The following AVL9 variants were observed in gnomAD, a reference collection of about 807,000 sequenced individuals.
AVL9 encodes late secretory pathway protein AVL9 homolog.
In AVL9, 49 loss-of-function variants were observed where a neutral mutation model predicts 79.2. The observed-to-expected ratio is 0.62, with a 90% CI of 0.49 to 0.79. The LOEUF is 0.79. Ranked by LOEUF, AVL9 falls within the 30% of genes least tolerant of loss-of-function variation. The pLI, the probability that AVL9 is intolerant of heterozygous loss-of-function variation, is 0.00. For missense variants in AVL9, 682 were observed against 776.8 expected, an observed-to-expected ratio of 0.88 and a Z score of 1.45; for synonymous variants, 299 against 280.6, an observed-to-expected ratio of 1.07 and a Z score of -0.65.
At chr7:32,579,576 A>ATATATTATATATTATATAT (rs1562802494) in intron 13 of AVL9, among the ~76,000 whole-genome samples, 31 of 1,140 alleles carry the variant, frequency 0.027, 10 homozygotes, top group African/African-American at 0.058. Flanking sequence ...ATATTATATT[A>ATATATTATATATTATATAT]TATATTATAT....
rs866423254 is a variant in AVL9 at position 32,579,506 on chromosome 7, T to A, written c.1689-713T>A. The stretch of plus-strand genomic sequence containing the variant: ...ATATAATATATTACATATTATATAT[T>A]ATATATTATATTATATATTATATAT... On this transcript the variant is annotated intron_variant, in intron 13 of 15. Transcript: ENST00000318709. Among the ~76,000 whole-genome samples the A allele has an allele frequency of 3.8e-3, 17 of 4,476 alleles. 2 individuals are homozygous for A. Among genetic ancestry groups the A allele is most frequent in the East Asian group, 0.014 (2 of 142 alleles). 2.9% of individuals were successfully genotyped at this position (4,476 alleles called of 152,430 possible).
In AVL9 at chr7:32,559,440, C is replaced by G; in HGVS notation, c.1191C>G (p.Gly397=). The G allele has an allele frequency of 6.3e-7, 1 of 1,575,648 alleles. No homozygotes were observed. The highest frequency in any genetic ancestry group is 2.2e-5 in the East Asian group (1 of 44,556). ...LISGLEEDQY[G]MPLAIFTKGY... ...CGGGTTTGGAAGAGGATCAGTATGG[C>G]ATGCCCCTGGCCATCTTCACAAAGG... The change falls in exon 10 of 16, where the codon GGC becomes GGG. Residue 397 remains glycine (G), a synonymous_variant. Transcript: ENST00000318709.
At chr7:32,574,820 CT>C (rs1423738417) in intron 12 of AVL9, among the ~76,000 whole-genome samples, 3 of 152,188 alleles carry the variant, frequency 2.0e-5, no homozygotes, top group African/African-American at 7.2e-5. Flanking sequence ...GCCCAATGAA[CT>C]GCTTGAGGAA....
intron 10 of AVL9, among the ~76,000 whole-genome samples, chr7:32,563,610 T>C (rs1790422789): frequency 6.6e-6 from 1 of 151,296 alleles, no homozygotes; most frequent in Non-Finnish European, 1.5e-5. Context: ...ACCTTTTCAG[T>C]TACTAGAACA....
chr7:32,504,158 A>G (rs1787308148), intron 1 of AVL9, among the ~76,000 whole-genome samples: 1 of 152,240 alleles, frequency 6.6e-6, no homozygotes, highest in South Asian at 2.1e-4. Context: ...ACATGAATTG[A>G]TGTATAAAAG....
At chr7:32,548,610 G>C (rs1789647489) in intron 3 of AVL9, among the ~76,000 whole-genome samples, 1 of 152,088 alleles carries the variant, frequency 6.6e-6, no homozygotes, top group African/African-American at 2.4e-5. Flanking sequence ...TAAATTCCTT[G>C]AGATTCGGGA....
rs376034577 is a variant in AVL9, at chr7:32,544,737, C to A, written c.258C>A (p.Ala86=). The A allele has an allele frequency of 1.6e-4, 255 of 1,613,758 alleles. 2 individuals carry two copies. The highest frequency in any genetic ancestry group is 8.3e-4 in the South Asian group (76 of 91,038). ...FHLPPRNGNG[A]TVFGISCYRQ... The stretch of plus-strand genomic sequence containing the variant: ...TGCCACCCAGAAATGGAAATGGAGC[C>A]ACAGTATTTGGTATCTCTTGCTATC... The change falls in exon 3 of 16, where the codon GCC becomes GCA. Residue 86 remains alanine (A), a synonymous_variant. Coordinates refer to ENST00000318709, the MANE Select transcript of AVL9 (RefSeq NM_015060.3).
chr7:32,528,734 G>A (rs1173106641), intron 1 of AVL9, among the ~76,000 whole-genome samples: 1 of 152,156 alleles, frequency 6.6e-6, no homozygotes, highest in Non-Finnish European at 1.5e-5. Flanking sequence ...ATCATAGGCC[G>A]GCGCAGTGGC....
At chr7:32,581,077 T>TGA in intron 15 of AVL9, 187 bp downstream of exon 15, 1 of 580,966 alleles carries the variant, frequency 1.7e-6, no homozygotes, top group Non-Finnish European at 3.0e-6. Flanking sequence ...TCAAACTCCA[T>TGA]TATCTAATAG....
chr7:32,508,294 T>G (rs1189353172), intron 1 of AVL9, among the ~76,000 whole-genome samples: 1 of 152,190 alleles, frequency 6.6e-6, no homozygotes, highest in African/African-American at 2.4e-5. Context: ...TAATTTGATG[T>G]CCTGAAGATA....
intron 10 of AVL9, among the ~76,000 whole-genome samples, chr7:32,568,623 T>G (rs542831421): frequency 6.6e-6 from 1 of 152,322 alleles, no homozygotes; most frequent in Non-Finnish European, 1.5e-5. Flanking sequence ...GTATTGCATT[T>G]ATTTTCATAA....
At chr7:32,557,992 A>G (rs1007540762) in intron 8 of AVL9, among the ~76,000 whole-genome samples, 8 of 150,996 alleles carry the variant, frequency 5.3e-5, no homozygotes, top group African/African-American at 2.0e-4. Context: ...AGTAGCTGGG[A>G]TTACAGGTGT....
intron 1 of AVL9, among the ~76,000 whole-genome samples, chr7:32,523,190 C>T (rs374204932): frequency 5.5e-4 from 79 of 142,926 alleles, no homozygotes; most frequent in African/African-American, 1.9e-3. Flanking sequence ...AAAAAGGGAG[C>T]CAAAGGACTA....
chr7:32,527,861 C>G (rs1264745083), intron 1 of AVL9, among the ~76,000 whole-genome samples: 4 of 151,964 alleles, frequency 2.6e-5, no homozygotes, highest in African/African-American at 7.2e-5. Flanking sequence ...TGAATAGACT[C>G]CCTCCTTGGC....
At chr7:32,575,188 T>C (rs1583600714) in intron 12 of AVL9, among the ~76,000 whole-genome samples, 1 of 152,274 alleles carries the variant, frequency 6.6e-6, no homozygotes. Context: ...AACCTCCATC[T>C]CCTGGTTTCA....
intron 10 of AVL9, chr7:32,562,557 G>T: frequency 1.1e-6 from 1 of 891,286 alleles, no homozygotes; most frequent in Non-Finnish European, 1.3e-6. Flanking sequence ...TTAATTCACA[G>T]TCTTTTCAGG....
rs772007710 is a variant in AVL9 at position 32,559,211 on chromosome 7, G to A, written c.962G>A (p.Arg321His). Residue 321 changes from arginine (R) to histidine (H), a missense_variant, in exon 10 of 16, where the codon CGC (arginine) becomes CAC (histidine). Coordinates refer to ENST00000318709, the MANE Select transcript of AVL9 (RefSeq NM_015060.3). ...DTNQYLKPPS[R>H]PSPDSSESDW... Reference sequence around the variant, plus strand: ...AATCAATATTTGAAACCTCCATCTCGCCCATCTCCAGATTCTTCAGAAAGT... The same window carrying A: ...AATCAATATTTGAAACCTCCATCTCACCCATCTCCAGATTCTTCAGAAAGT... 1.7e-5 allele frequency: 27 copies of A among 1,613,996 alleles called. No individual in the cohort carries two copies. The South Asian group carries it at 1.9e-4, about 11-fold the overall frequency.
chr7:32,521,024 C>T (rs763246921), intron 1 of AVL9, among the ~76,000 whole-genome samples: 8 of 151,974 alleles, frequency 5.3e-5, no homozygotes, highest in African/African-American at 9.7e-5. Flanking sequence ...CTCTTCCCGC[C>T]GACATGTAAT....
intron 1 of AVL9, among the ~76,000 whole-genome samples, chr7:32,502,406 A>AAAAAAAAAAAAAAAAAG (rs201243248): frequency 9.3e-5 from 13 of 140,162 alleles, no homozygotes; most frequent in Admixed American, 1.6e-4. Flanking sequence ...AAAAAAAAAA[A>AAAAAAAAAAAAAAAAAG]AAAGAAAGAA....
Sources: gnomAD v4.1 joint callset for allele counts (sites outside exome capture counted in the v4.1 genomes callset) on GRCh38, gnomAD v4.1.1 for gene constraint, MANE v1.5 for transcripts, NCBI Gene and HGNC (gene_info 2026-07-23, HGNC 2026-07-21) for gene names.